The following CDYL variants were observed in gnomAD, a reference collection of about 807,000 sequenced individuals.
The protein encoded by CDYL is chromodomain Y-like protein.
In CDYL, 8 loss-of-function variants were observed where a neutral mutation model predicts 47.3. That is an observed-to-expected ratio of 0.17 (90% CI 0.10 to 0.31). The LOEUF (loss-of-function observed/expected upper bound fraction) is 0.31, where lower values mean the gene tolerates loss of function less well. CDYL is among the 10% of genes least tolerant of loss of function. The pLI, the probability that CDYL is intolerant of heterozygous loss-of-function variation, is 1.00. For synonymous variants in CDYL, 266 were observed against 265.0 expected (o/e 1.00, Z -0.04); for missense variants, 471 against 701.4 (o/e 0.67, Z 3.71).
intron 1 of CDYL, among the ~76,000 whole-genome samples, chr6:4,789,034 C>G (rs947580579): frequency 6.6e-6 from 1 of 152,074 alleles, no homozygotes; most frequent in African/African-American, 2.4e-5. Flanking sequence ...CGGGAATAGC[C>G]AAGCCATACT....
intron 2 of CDYL, among the ~76,000 whole-genome samples, chr6:4,734,170 C>T (rs746747226): frequency 2.6e-5 from 4 of 152,080 alleles, no homozygotes; most frequent in Non-Finnish European, 4.4e-5. Context: ...CTGGCGTTGT[C>T]GGGAAGGGAG....
intron 2 of CDYL, among the ~76,000 whole-genome samples, chr6:4,926,046 T>C (rs1173497250): frequency 6.6e-6 from 1 of 152,222 alleles, no homozygotes; most frequent in Admixed American, 6.5e-5. Flanking sequence ...GAGTTTTTTA[T>C]TGGAAGTCTA....
chr6:4,813,926 T>C (rs1366933274), intron 1 of CDYL, among the ~76,000 whole-genome samples: 2 of 141,608 alleles, frequency 1.4e-5, no homozygotes, highest in Non-Finnish European at 1.5e-5. Flanking sequence ...TGTGCCACTA[T>C]GCCTGGCTAA....
At chr6:4,781,232 TTTGC>T (rs1467978002) in intron 1 of CDYL, among the ~76,000 whole-genome samples, 1 of 152,240 alleles carries the variant, frequency 6.6e-6, no homozygotes, top group Admixed American at 6.5e-5. Context: ...TTCTTCCTAC[TTTGC>T]GATAAGATTC....
At chr6:4,845,576 A>G (rs1163481362) in intron 1 of CDYL, among the ~76,000 whole-genome samples, 1 of 152,206 alleles carries the variant, frequency 6.6e-6, no homozygotes, top group African/African-American at 2.4e-5. Context: ...CTTTTCTGTA[A>G]GGGGTCAGAC....
chr6:4,720,915 T>C (rs1377814938), intron 2 of CDYL, among the ~76,000 whole-genome samples: 2 of 152,200 alleles, frequency 1.3e-5, no homozygotes, highest in Non-Finnish European at 2.9e-5. Flanking sequence ...ATAAACATAT[T>C]GCTAGTAAAA....
chr6:4,854,275 C>T (rs1265687962), intron 1 of CDYL, among the ~76,000 whole-genome samples: 1 of 152,242 alleles, frequency 6.6e-6, no homozygotes, highest in Non-Finnish European at 1.5e-5. Context: ...TGCCGTCTTG[C>T]AGGCATGGCT....
At chr6:4,929,667 A>C (rs1319722798) in intron 2 of CDYL, among the ~76,000 whole-genome samples, 1 of 152,018 alleles carries the variant, frequency 6.6e-6, no homozygotes, top group Non-Finnish European at 1.5e-5. Flanking sequence ...TGATCTTTTT[A>C]GTATCTAATT....
intron 5 of CDYL, 25 bp from the exon 6 acceptor site, chr6:4,952,241 T>C (rs1758728804): frequency 1.2e-6 from 2 of 1,608,156 alleles, no homozygotes; most frequent in South Asian, 1.1e-5. Flanking sequence ...GCAATTCATA[T>C]TACATCCACT....
chr6:4,883,774 A>G (rs1235332119), intron 1 of CDYL, among the ~76,000 whole-genome samples: 2 of 152,140 alleles, frequency 1.3e-5, no homozygotes, highest in African/African-American at 4.8e-5. Context: ...CAACACTGAG[A>G]CTGCACTCTC....
At chr6:4,921,634 T>C (rs1330882940) in intron 2 of CDYL, among the ~76,000 whole-genome samples, 3 of 152,168 alleles carry the variant, frequency 2.0e-5, no homozygotes, top group African/African-American at 7.2e-5. Context: ...CTTTGTGTCA[T>C]ATGCTTTTTA....
intron 2 of CDYL, among the ~76,000 whole-genome samples, chr6:4,720,580 T>C (rs1757349678): frequency 6.6e-6 from 1 of 152,212 alleles, no homozygotes; most frequent in Non-Finnish European, 1.5e-5. Flanking sequence ...CATCCTAAGA[T>C]GCCTGAAATG....
intron 2 of CDYL, among the ~76,000 whole-genome samples, chr6:4,910,862 C>G (rs1757392238): frequency 6.6e-6 from 1 of 151,388 alleles, no homozygotes; most frequent in African/African-American, 2.4e-5. Context: ...AAGACGGAGT[C>G]TCTCTCTGTC....
rs753167622 is a variant in CDYL, at chr6:4,892,316, G to T, written c.628G>T (p.Val210Leu). The T allele has an allele frequency of 3.1e-6, 5 of 1,613,940 alleles. No homozygotes were observed. The African/African-American group carries it at 4.0e-5, about 13-fold the overall frequency. ...MGSRPRIHPLVPQVPGPVTAA... is the reference protein window; with the variant it reads ...MGSRPRIHPLLPQVPGPVTAA... ...GAGCAGGCCCAGGATACACCCACTA[G>T]TGCCTCAGGTGCCCGGCCCTGTGAC... is the stretch of plus-strand genomic sequence containing the variant. Residue 210 changes from valine (V) to leucine (L), a missense_variant, in exon 2 of 7, where the codon GTG becomes TTG. This residue lies in a region of CDYL where 311 missense variants were observed against 350.0 expected (regional missense o/e 0.89). Coordinates refer to ENST00000397588, the MANE Select transcript of CDYL (RefSeq NM_004824.4).
intron 1 of CDYL, among the ~76,000 whole-genome samples, chr6:4,855,497 T>C (rs956284243): frequency 6.6e-6 from 1 of 152,172 alleles, no homozygotes. Context: ...CCAGGGTCCC[T>C]TCTGGAATGT....
chr6:4,849,091 G>A (rs905852720), intron 1 of CDYL, among the ~76,000 whole-genome samples: 33 of 152,290 alleles, frequency 2.2e-4, no homozygotes, highest in Admixed American at 9.2e-4. Context: ...ATTTAGCTTA[G>A]AAGAGTGGTC....
intron 3 of CDYL, among the ~76,000 whole-genome samples, chr6:4,738,117 A>T (rs1049201891): frequency 9.2e-5 from 14 of 152,162 alleles, no homozygotes; most frequent in Non-Finnish European, 2.9e-5. Context: ...GCTGGGCTCT[A>T]TGGCTCCCAG....
At chr6:4,924,538 T>A (rs1030313980) in intron 2 of CDYL, among the ~76,000 whole-genome samples, 1 of 152,236 alleles carries the variant, frequency 6.6e-6, no homozygotes, top group Non-Finnish European at 1.5e-5. Context: ...AAGCATTCTC[T>A]GAATGTGGTC....
chr6:4,941,693 C>T (rs561784269), intron 4 of CDYL, among the ~76,000 whole-genome samples: 1 of 152,264 alleles, frequency 6.6e-6, no homozygotes, highest in Non-Finnish European at 1.5e-5. Context: ...TTTTTTTATA[C>T]AAATATATGG....
Sources: gnomAD v4.1 joint callset for allele counts (sites outside exome capture counted in the v4.1 genomes callset) on GRCh38, gnomAD v4.1.1 for gene constraint, gnomAD v4.1.1 regional missense constraint, MANE v1.5 for transcripts, NCBI Gene and HGNC (gene_info 2026-07-23, HGNC 2026-07-21) for gene names.